ILDR2: variants seen among roughly 807,000 people sequenced by gnomAD.
ILDR2 encodes the protein immunoglobulin-like domain-containing receptor 2.
In ILDR2, 25 loss-of-function variants were observed where a neutral mutation model predicts 66.8. The ratio of observed to expected loss-of-function variants is 0.37; its 90% confidence interval spans 0.27 to 0.52. The LOEUF is 0.52. ILDR2 is among the 20% of genes least tolerant of loss of function. ILDR2 has a pLI of 0.88. For synonymous variants in ILDR2, 367 were observed against 357.2 expected, an observed-to-expected ratio of 1.03 and a Z score of -0.31; for missense variants, 827 against 876.8, an observed-to-expected ratio of 0.94 and a Z score of 0.72.
chr1:166,904,608 T>C (rs561658984), downstream of ILDR2, among the ~76,000 whole-genome samples: 1 of 152,354 alleles, frequency 6.6e-6, no homozygotes, highest in Admixed American at 6.5e-5. Flanking sequence ...TAAGTCACCT[T>C]GAGAAGTCAT....
At position 166,936,847 on chromosome 1, in the gene ILDR2, A is replaced by T; in HGVS notation, c.557-110T>A. On this transcript the variant is annotated intron_variant, in intron 4 of 9. Coordinates refer to ENST00000271417, the MANE Select transcript of ILDR2 (RefSeq NM_199351.3). This position sits in a 1 kb window ranked among gnomAD's most constrained non-coding sequence, Gnocchi z 5.0. ...GGGGGAGAGGAGGAGGGACCTAGGG[A>T]AGAAAGCTTCTCTTAACAGGAGACA... 1 of 1,052,402 alleles carries T rather than the reference A, an allele frequency of 9.5e-7. No individual in the cohort carries two copies. The highest frequency in any genetic ancestry group is 1.4e-6 in the Non-Finnish European group (1 of 708,824). The allele number at this position is 1,052,402 out of a possible 1,614,324, so 65.2% of individuals were successfully genotyped here. A position where few individuals can be genotyped will look rare whatever the true frequency, so the allele number is the denominator to read the frequency against.
intron 6 of ILDR2, among the ~76,000 whole-genome samples, chr1:166,931,288 A>T (rs1331149369): frequency 1.3e-5 from 2 of 152,208 alleles, no homozygotes; most frequent in Non-Finnish European, 2.9e-5. Flanking sequence ...CGAGGCAGAT[A>T]CTCATGGATA....
intron 3 of ILDR2, among the ~76,000 whole-genome samples, chr1:166,944,289 T>TATTCATTCATCATTC (rs1202607923): frequency 6.6e-6 from 1 of 152,256 alleles, no homozygotes; most frequent in East Asian, 1.9e-4. Flanking sequence ...GTCTCTCATT[T>TATTCATTCATCATTC]ATTCATTCAT....
chr1:166,931,135 T>C (rs1457718993), intron 6 of ILDR2, among the ~76,000 whole-genome samples: 2 of 152,230 alleles, frequency 1.3e-5, no homozygotes, highest in Non-Finnish European at 2.9e-5. Flanking sequence ...ATATTCACTT[T>C]GATGCCAAAC....
chr1:166,929,320 C>T (rs1660491753), intron 6 of ILDR2, among the ~76,000 whole-genome samples: 1 of 152,220 alleles, frequency 6.6e-6, no homozygotes, highest in African/African-American at 2.4e-5. Flanking sequence ...TTCTTTGATT[C>T]TCATAGCTTG....
chr1:166,933,839 G>C (rs1250205799), intron 6 of ILDR2, among the ~76,000 whole-genome samples: 1 of 152,112 alleles, frequency 6.6e-6, no homozygotes, highest in Non-Finnish European at 1.5e-5. Context: ...TTACTTCTCA[G>C]TCTGTGACTC....
chr1:166,971,293 C>G (rs1215338663), intron 1 of ILDR2, among the ~76,000 whole-genome samples: 1 of 152,250 alleles, frequency 6.6e-6, no homozygotes, highest in African/African-American at 2.4e-5. Context: ...ACTGACTATT[C>G]ATGAACAAAT....
At chr1:166,904,126 T>C (rs1202383019), downstream of ILDR2, among the ~76,000 whole-genome samples, 1 of 152,228 alleles carries the variant, frequency 6.6e-6, no homozygotes, top group Non-Finnish European at 1.5e-5. Flanking sequence ...TGTATAGACA[T>C]AATTAGTGCC....
At position 166,908,675 on chromosome 1, in the gene ILDR2, A is replaced by C. The variant is rs1465967138; in HGVS notation, c.*10680T>G. 6.6e-6 allele frequency: 1 copy of C among 152,330 alleles called. No homozygotes were observed. The highest frequency in any genetic ancestry group is 2.4e-5 in the African/African-American group (1 of 41,458). 9.4% of individuals were successfully genotyped at this position (152,330 alleles called of 1,614,324 possible). On this transcript the variant is annotated 3_prime_UTR_variant, in exon 10 of 10. Coordinates refer to ENST00000271417, the MANE Select transcript of ILDR2 (RefSeq NM_199351.3). ...GTAGGAGACAAGAAATGAGGGTACCAGAAGAATCCAGGGAGGAGACGAAAG... is the reference window on the plus strand; with the variant it reads ...GTAGGAGACAAGAAATGAGGGTACCCGAAGAATCCAGGGAGGAGACGAAAG...
rs1322287566 is a variant in ILDR2, at chr1:166,936,899, G to T, written c.557-162C>A. Among the ~76,000 whole-genome samples, 2 of 152,196 alleles carry T rather than the reference G, an allele frequency of 1.3e-5. No individual in the cohort carries two copies. The highest frequency in any genetic ancestry group is 2.9e-5 in the Non-Finnish European group (2 of 68,036). ...AGCCCCAACACTCAAGAGGAACTCTGAGAGTCAGGAGTGCAGACCCTCAGT... is the reference window on the plus strand; with the variant it reads ...AGCCCCAACACTCAAGAGGAACTCTTAGAGTCAGGAGTGCAGACCCTCAGT... On this transcript the variant is annotated intron_variant, in intron 4 of 9. Transcript: ENST00000271417. The surrounding 1 kb of genome is among the most constrained non-coding windows in gnomAD (Gnocchi z 5.0).
chr1:166,962,340 C>T (rs947307039), intron 1 of ILDR2, among the ~76,000 whole-genome samples: 6 of 152,130 alleles, frequency 3.9e-5, no homozygotes, highest in Non-Finnish European at 5.9e-5. Flanking sequence ...ACCTTGGTAT[C>T]CTGATTTGCA....
chr1:166,922,490 A>G (rs1660010278), intron 8 of ILDR2, 103 bp downstream of exon 8: 1 of 823,588 alleles, frequency 1.2e-6, no homozygotes, highest in Non-Finnish European at 2.1e-6. Flanking sequence ...CTGGAATGGG[A>G]GACAGAGATG....
Position 166,920,940 on chromosome 1 carries a change from G to A in ILDR2, c.1651C>T (p.Pro551Ser). The change falls in exon 9 of 10, where the codon CCA becomes TCA. Residue 551 changes from proline to serine, a missense_variant. Physicochemically the swap from Pro to Ser is moderately conservative, Grantham distance 74 (BLOSUM62 -1). This residue lies in a region of ILDR2 where 390 missense variants were observed against 353.6 expected (regional missense o/e 1.10). Coordinates refer to ENST00000271417, the MANE Select transcript of ILDR2 (RefSeq NM_199351.3). Reference sequence around the variant, plus strand: ...CCGAGCTGCGCGCTCCGCTTGGATGGCGTCTCCAGGCTGCCACCGCGGCTG... The same window carrying A: ...CCGAGCTGCGCGCTCCGCTTGGATGACGTCTCCAGGCTGCCACCGCGGCTG... ...GASRGGSLET[P>S]SKRSAQLGPR... 6.7e-7 allele frequency: 1 copy of A among 1,483,366 alleles called. No individual in the cohort carries two copies. Among genetic ancestry groups the A allele is most frequent in the Non-Finnish European group, 8.9e-7 (1 of 1,125,990 alleles). The allele number at this position is 1,483,366 out of a possible 1,614,324, so 91.9% of individuals were successfully genotyped here.
chr1:166,942,223 C>T (rs1238671448), intron 3 of ILDR2, among the ~76,000 whole-genome samples: 1 of 152,190 alleles, frequency 6.6e-6, no homozygotes, highest in Non-Finnish European at 1.5e-5. Flanking sequence ...CTAGTTTGGA[C>T]AATTAATTAT....
intron 1 of ILDR2, among the ~76,000 whole-genome samples, chr1:166,959,067 G>A (rs1662455257): frequency 6.6e-6 from 1 of 152,156 alleles, no homozygotes; most frequent in Admixed American, 6.5e-5. Context: ...TCCCCAGTGG[G>A]ATATCCTGTT....
intron 3 of ILDR2, among the ~76,000 whole-genome samples, chr1:166,948,043 C>T (rs140977943): frequency 6.6e-6 from 1 of 152,172 alleles, no homozygotes; most frequent in African/African-American, 2.4e-5. Flanking sequence ...CAAACCCCCA[C>T]CTCTTTGCTG....
At chr1:166,972,675 C>G (rs923243600) in intron 1 of ILDR2, among the ~76,000 whole-genome samples, 1 of 151,906 alleles carries the variant, frequency 6.6e-6, no homozygotes, top group Non-Finnish European at 1.5e-5. Context: ...TTAGAAATCG[C>G]TCAGCTTGCA....
In ILDR2 at chr1:166,917,597, T is replaced by C. The variant is rs1012221338; in HGVS notation, c.*1758A>G. 2 of 152,222 alleles carry C rather than the reference T, an allele frequency of 1.3e-5. No homozygotes were observed. Among genetic ancestry groups the C allele is most frequent in the African/African-American group, 4.8e-5 (2 of 41,470 alleles). 9.4% of individuals were successfully genotyped at this position (152,222 alleles called of 1,614,324 possible). On this transcript the variant is annotated 3_prime_UTR_variant, in exon 10 of 10. Coordinates refer to ENST00000271417, the MANE Select transcript of ILDR2 (RefSeq NM_199351.3). ...TTTGATAAAAATTTGTCAACAATAG[T>C]GGAGGCTATGAGAAACACAAGTTTG...
chr1:166,962,781 T>A (rs1294359855), intron 1 of ILDR2, among the ~76,000 whole-genome samples: 1 of 152,224 alleles, frequency 6.6e-6, no homozygotes, highest in African/African-American at 2.4e-5. Flanking sequence ...AAGTACTTCT[T>A]ATGCTGGAGT....
Sources: gnomAD v4.1 joint callset for allele counts (sites outside exome capture counted in the v4.1 genomes callset) on GRCh38, gnomAD v4.1.1 for gene constraint, gnomAD v4.1.1 regional missense constraint, Gnocchi (gnomAD v3.1) non-coding constraint, MANE v1.5 for transcripts, NCBI Gene and HGNC (gene_info 2026-07-23, HGNC 2026-07-21) for gene names.